MIS18A: variants seen among roughly 807,000 people sequenced by gnomAD.
MIS18A encodes the protein protein Mis18-alpha.
Under a neutral mutation model 25.0 loss-of-function variants are expected in MIS18A, and 14 were observed. The ratio of observed to expected loss-of-function variants is 0.56; its 90% CI spans 0.37 to 0.88. The LOEUF (loss-of-function observed/expected upper bound fraction) is 0.88, where lower values mean the gene tolerates loss of function less well. MIS18A is among the 40% of genes least tolerant of loss of function. MIS18A has a pLI of 0.00. For missense variants in MIS18A, 292 were observed against 290.8 expected, an observed-to-expected ratio of 1.00 and a Z score of -0.03; for synonymous variants, 134 against 118.6, an observed-to-expected ratio of 1.13 and a Z score of -0.84.
the MIS18A span, among the ~76,000 whole-genome samples, chr21:32,226,338 A>G: frequency 1.3e-5 from 2 of 152,110 alleles, no homozygotes; most frequent in South Asian, 4.1e-4. Flanking sequence ...ATGCTCAACT[A>G]TATGCTGCCT....
chr21:32,205,641 A>T, the MIS18A span, among the ~76,000 whole-genome samples: 1 of 152,124 alleles, frequency 6.6e-6, no homozygotes, highest in Admixed American at 6.5e-5. Flanking sequence ...AATAAGAAAA[A>T]ATGACTTGTT....
chr21:32,209,854 G>GT, the MIS18A span, among the ~76,000 whole-genome samples: 1 of 152,164 alleles, frequency 6.6e-6, no homozygotes. Context: ...CACCATGATG[G>GT]TAAGTTTCCT....
chr21:32,267,875 A>G (rs1233686768), downstream of MIS18A, among the ~76,000 whole-genome samples: 1 of 152,210 alleles, frequency 6.6e-6, no homozygotes, highest in African/African-American at 2.4e-5. Context: ...GAGAACGCCT[A>G]AAGGACTCAC....
At chr21:32,157,674 G>A in the MIS18A span, among the ~76,000 whole-genome samples, 1 of 151,770 alleles carries the variant, frequency 6.6e-6, no homozygotes, top group Non-Finnish European at 1.5e-5. Context: ...TAACCATGGG[G>A]CTCAGAGTTT....
At chr21:32,176,181 T>C in the MIS18A span, among the ~76,000 whole-genome samples, 1 of 152,252 alleles carries the variant, frequency 6.6e-6, no homozygotes, top group Non-Finnish European at 1.5e-5. Flanking sequence ...TATAATATAC[T>C]AAATACATAA....
chr21:32,244,535 G>A, the MIS18A span, among the ~76,000 whole-genome samples: 2 of 152,134 alleles, frequency 1.3e-5, no homozygotes, highest in Non-Finnish European at 2.9e-5. Context: ...CCGGGAAGTT[G>A]AGATCTGCCT....
the MIS18A span, among the ~76,000 whole-genome samples, chr21:32,163,143 T>A: frequency 4.6e-5 from 7 of 152,224 alleles, no homozygotes; most frequent in Non-Finnish European, 8.8e-5. Flanking sequence ...GCTTTTGCTG[T>A]CCCTGAGCAA....
At chr21:32,181,367 C>T in the MIS18A span, among the ~76,000 whole-genome samples, 2 of 152,138 alleles carry the variant, frequency 1.3e-5, no homozygotes, top group African/African-American at 4.8e-5. Context: ...GAGCCAATGA[C>T]TTATAATAAA....
the MIS18A span, among the ~76,000 whole-genome samples, chr21:32,237,746 A>C: frequency 8.3e-4 from 127 of 152,254 alleles, no homozygotes; most frequent in Admixed American, 2.9e-3. Flanking sequence ...TATATTCCTG[A>C]TGATTAGGAA....
In MIS18A at chr21:32,268,924, G is replaced by T; in HGVS notation, c.*113C>A. The T allele has an allele frequency of 1.3e-6, 1 of 777,274 alleles. No individual in the cohort carries two copies. The highest frequency in any genetic ancestry group is 2.0e-6 in the Non-Finnish European group (1 of 502,242). 48.1% of individuals were successfully genotyped at this position (777,274 alleles called of 1,614,324 possible). A position where few individuals can be genotyped will look rare whatever the true frequency, so the allele number is the denominator to read the frequency against. On this transcript the variant is annotated 3_prime_UTR_variant, in exon 5 of 5. Coordinates refer to ENST00000290130, the MANE Select transcript of MIS18A (RefSeq NM_018944.3). Reference sequence around the variant, plus strand: ...TCCCACCTCAGCGTTTCGCATGCCTGGCTAATTTTTTTTTTCTTTTTTTTT... The same window carrying T: ...TCCCACCTCAGCGTTTCGCATGCCTTGCTAATTTTTTTTTTCTTTTTTTTT...
chr21:32,238,952 A>C, the MIS18A span, among the ~76,000 whole-genome samples: 6,701 of 151,870 alleles, frequency 0.044, 278 homozygotes, highest in Non-Finnish European at 0.057. Context: ...TCTTGGGGGA[A>C]AAAAAAATAC....
At chr21:32,177,903 TTTTTCTTTTG>T in the MIS18A span, among the ~76,000 whole-genome samples, 3,620 of 98,362 alleles carry the variant, frequency 0.037, 179 homozygotes, top group African/African-American at 0.16. Flanking sequence ...CCTGGCTTTT[TTTTTCTTTTG>T]TTTTCTTTTC....
At chr21:32,165,465 AT>A in the MIS18A span, among the ~76,000 whole-genome samples, 21 of 151,510 alleles carry the variant, frequency 1.4e-4, no homozygotes, top group Admixed American at 4.6e-4. Context: ...TTGAGACTTG[AT>A]TCTACTTTTC....
chr21:32,253,282 A>C, the MIS18A span, among the ~76,000 whole-genome samples: 7 of 151,940 alleles, frequency 4.6e-5, no homozygotes, highest in Admixed American at 2.0e-4. Flanking sequence ...TCTGCATCCT[A>C]TTGGTGAGTG....
the MIS18A span, among the ~76,000 whole-genome samples, chr21:32,170,373 TG>T: frequency 6.6e-6 from 1 of 152,250 alleles, no homozygotes; most frequent in Middle Eastern, 3.4e-3. Context: ...GCCCACTCAG[TG>T]GGCATTTGTA....
At chr21:32,264,992 G>C (rs948221838), downstream of MIS18A, among the ~76,000 whole-genome samples, 3 of 152,196 alleles carry the variant, frequency 2.0e-5, no homozygotes, top group African/African-American at 7.2e-5. Context: ...ATCTTTAAAG[G>C]CCGCATACCA....
chr21:32,167,207 T>C, the MIS18A span, among the ~76,000 whole-genome samples: 1 of 152,106 alleles, frequency 6.6e-6, no homozygotes, highest in Non-Finnish European at 1.5e-5. Context: ...TCTCTGGAGG[T>C]AGATAATATG....
chr21:32,188,190 T>C, the MIS18A span, among the ~76,000 whole-genome samples: 1 of 152,196 alleles, frequency 6.6e-6, no homozygotes, highest in East Asian at 1.9e-4. Flanking sequence ...ACCCAATCTG[T>C]GGTATTCTGC....
At chr21:32,216,641 T>C in the MIS18A span, among the ~76,000 whole-genome samples, 1 of 152,216 alleles carries the variant, frequency 6.6e-6, no homozygotes, top group Non-Finnish European at 1.5e-5. Flanking sequence ...GCCACATATA[T>C]GCATAGGACA....
Sources: allele counts gnomAD v4.1 joint callset (sites outside exome capture counted in the v4.1 genomes callset), GRCh38; gene constraint gnomAD v4.1.1; transcripts MANE v1.5; gene names NCBI Gene and HGNC (gene_info 2026-07-23, HGNC 2026-07-21).